Variants in WHRN observed in about 807,000 individuals in gnomAD.
WHRN encodes whirlin, also known as CASK-interacting protein CIP98.
In WHRN, 41 loss-of-function variants were observed where a neutral mutation model predicts 68.3. The observed-to-expected ratio is 0.60, with a 90% CI of 0.47 to 0.78. The LOEUF (loss-of-function observed/expected upper bound fraction) is 0.78, where lower values mean the gene tolerates loss of function less well. WHRN is among the 30% of genes least tolerant of loss of function. WHRN has a pLI of 0.00. For synonymous variants in WHRN, 560 were observed against 561.3 expected, an observed-to-expected ratio of 1.00 and a Z score of 0.03; for missense variants, 1,243 against 1,244.7, an observed-to-expected ratio of 1.00 and a Z score of 0.02.
intron 2 of WHRN, among the ~76,000 whole-genome samples, chr9:114,466,916 G>T (rs1840753808): frequency 1.3e-5 from 2 of 150,878 alleles, no homozygotes; most frequent in African/African-American, 4.9e-5. Flanking sequence ...CCTCCCCAGG[G>T]GTCTCCTATC....
chr9:114,458,066 G>A (rs187789552), intron 3 of WHRN, among the ~76,000 whole-genome samples: 2 of 152,122 alleles, frequency 1.3e-5, no homozygotes, highest in Non-Finnish European at 2.9e-5. Context: ...TTAGCAGAGC[G>A]TAATACATAT....
intron 1 of WHRN, among the ~76,000 whole-genome samples, chr9:114,496,161 G>A (rs1843438995): frequency 6.6e-6 from 1 of 152,148 alleles, no homozygotes; most frequent in Non-Finnish European, 1.5e-5. Context: ...GGGTCCCTGG[G>A]GAGGCCATCA....
At chr9:114,405,295 C>A (rs530364801) in intron 9 of WHRN, among the ~76,000 whole-genome samples, 4 of 152,056 alleles carry the variant, frequency 2.6e-5, no homozygotes, top group African/African-American at 9.6e-5. Flanking sequence ...CTCCTGAGGT[C>A]GAAATCCTGA....
chr9:114,403,163 A>G, intron 11 of WHRN, 54 bp downstream of exon 11: 1 of 1,611,438 alleles, frequency 6.2e-7, no homozygotes, highest in Non-Finnish European at 8.5e-7. Flanking sequence ...AGATGCTGAG[A>G]AAGGGCCTTT....
In WHRN at chr9:114,478,740, G is replaced by C; in HGVS notation, c.650C>G (p.Ser217Cys). Residue 217 changes from serine to cysteine, a missense_variant, in exon 2 of 12, where the codon TCT becomes TGT. Physicochemically the swap from Ser to Cys is moderately radical, Grantham distance 112. Transcript: ENST00000362057. ...AGGGATGCGCCCTGCTGAGTACACA[G>C]ACAGCACCAGCTTCTTGGAGCCCTT... ...ALKGSKKLVL[S>C]VYSAGRIPGG... The C allele has an allele frequency of 6.2e-7, 1 of 1,612,584 alleles. No individual in the cohort carries two copies. Among genetic ancestry groups the C allele is most frequent in the Non-Finnish European group, 8.5e-7 (1 of 1,179,974 alleles).
intron 6 of WHRN, 61 bp from the exon 7 acceptor site, chr9:114,423,584 C>T: frequency 6.7e-7 from 1 of 1,488,692 alleles, no homozygotes; most frequent in Admixed American, 1.9e-5. Flanking sequence ...GGAACAGGGG[C>T]CCTGCTACCC....
chr9:114,483,568 TC>T (rs1842258638), intron 1 of WHRN, among the ~76,000 whole-genome samples: 1 of 152,172 alleles, frequency 6.6e-6, no homozygotes, highest in Non-Finnish European at 1.5e-5. Context: ...GATCGCGAGA[TC>T]CTCACCCATG....
chr9:114,410,343 G>C (rs1646055956), intron 7 of WHRN, among the ~76,000 whole-genome samples: 1 of 152,204 alleles, frequency 6.6e-6, no homozygotes, highest in Non-Finnish European at 1.5e-5. Context: ...GTGGCTGCTG[G>C]ATAAATGTTT....
At chr9:114,439,612 G>A (rs1440915501) in intron 3 of WHRN, among the ~76,000 whole-genome samples, 1 of 135,842 alleles carries the variant, frequency 7.4e-6, no homozygotes, top group East Asian at 2.2e-4. Context: ...TATATTTCAT[G>A]TATATCTGTA....
chr9:114,458,953 A>G (rs1455819813), intron 3 of WHRN, among the ~76,000 whole-genome samples: 5 of 152,166 alleles, frequency 3.3e-5, no homozygotes, highest in Non-Finnish European at 7.3e-5. Context: ...ACCATCCTTC[A>G]CTGAAAGATG....
In WHRN at chr9:114,423,449, C is replaced by G. The variant is rs558895210; in HGVS notation, c.1491G>C (p.Arg497Ser). ...DLERFDHLVL[R>S]REIESMKARQ... Reference sequence around the variant, plus strand: ...GCGCCTTCATGGACTCAATCTCACGCCTCAGCACCAGGTGGTCGAAGCGTT... The same window carrying G: ...GCGCCTTCATGGACTCAATCTCACGGCTCAGCACCAGGTGGTCGAAGCGTT... Residue 497 changes from arginine to serine, a missense_variant, in exon 7 of 12, where the codon AGG (arginine) becomes AGC (serine). Arg to Ser is a moderately radical substitution (Grantham distance 110, BLOSUM62 -1). Transcript: ENST00000362057. 3.1e-6 allele frequency: 5 copies of G among 1,614,124 alleles called. No homozygotes were observed. The Admixed American group carries it at 8.3e-5, about 27-fold the overall frequency.
chr9:114,489,534 ACAC>A (rs1842815221), intron 1 of WHRN, among the ~76,000 whole-genome samples: 4 of 131,506 alleles, frequency 3.0e-5, no homozygotes, highest in Admixed American at 1.6e-4. Context: ...ACACACACAC[ACAC>A]TTTCCAAGAT....
chr9:114,485,935 G>C (rs890317265), intron 1 of WHRN, among the ~76,000 whole-genome samples: 2 of 152,086 alleles, frequency 1.3e-5, no homozygotes, highest in African/African-American at 4.8e-5. Context: ...GTTTGCTTGA[G>C]CCCAAAAGAT....
At chr9:114,492,906 A>G (rs1360944750) in intron 1 of WHRN, among the ~76,000 whole-genome samples, 1 of 152,038 alleles carries the variant, frequency 6.6e-6, no homozygotes, top group Non-Finnish European at 1.5e-5. Flanking sequence ...AGTCCCAGCT[A>G]CTCGGGAGGC....
chr9:114,408,134 G>C, intron 7 of WHRN, 116 bp from the exon 8 acceptor site: 1 of 816,848 alleles, frequency 1.2e-6, no homozygotes, highest in Admixed American at 2.0e-5. Flanking sequence ...TGGTTCATGT[G>C]AGCCCTGACA....
intron 4 of WHRN, 86 bp downstream of exon 4, chr9:114,426,125 G>A: frequency 6.4e-7 from 1 of 1,571,974 alleles, no homozygotes; most frequent in Non-Finnish European, 8.7e-7. Context: ...GGAGAGCCAG[G>A]GCGGTGGAGG....
At chr9:114,503,108 T>C in intron 1 of WHRN, 2 of 985,150 alleles carry the variant, frequency 2.0e-6, no homozygotes, top group Non-Finnish European at 2.4e-6. Flanking sequence ...AAGACTCACC[T>C]GGACACAGGC....
At chr9:114,488,556 G>A (rs1181337895) in intron 1 of WHRN, among the ~76,000 whole-genome samples, 3 of 152,060 alleles carry the variant, frequency 2.0e-5, no homozygotes, top group Non-Finnish European at 4.4e-5. Flanking sequence ...ACAGGGGAGG[G>A]TTTTTAAAAA....
chr9:114,462,392 G>A (rs1172048735), intron 3 of WHRN, among the ~76,000 whole-genome samples: 1 of 152,114 alleles, frequency 6.6e-6, no homozygotes, highest in East Asian at 1.9e-4. Flanking sequence ...TCTAGGAGAA[G>A]TCCTCGGAGA....
Sources: allele counts gnomAD v4.1 joint callset (sites outside exome capture counted in the v4.1 genomes callset), GRCh38; gene constraint gnomAD v4.1.1; transcripts MANE v1.5; gene names NCBI Gene and HGNC (gene_info 2026-07-23, HGNC 2026-07-21).